Variants in SUN1 observed in about 807,000 individuals in gnomAD.
The protein encoded by SUN1 is SUN domain-containing protein 1.
SUN1 carries 61 observed loss-of-function variants against 103.2 expected under a neutral mutation model. The ratio of observed to expected loss-of-function variants is 0.59; its 90% CI spans 0.48 to 0.73. The LOEUF (loss-of-function observed/expected upper bound fraction) is 0.73, where lower values mean the gene tolerates loss of function less well. SUN1 is among the 30% of genes least tolerant of loss of function. SUN1 has a pLI of 0.00. For missense variants in SUN1, 1,052 were observed against 1,034.6 expected (o/e 1.02, Z -0.23); for synonymous variants, 490 against 425.7 (o/e 1.15, Z -1.86).
At chr7:827,911 TGTTC>T (rs1481481632), upstream of SUN1, among the ~76,000 whole-genome samples, 1 of 152,052 alleles carries the variant, frequency 6.6e-6, no homozygotes, top group Non-Finnish European at 1.5e-5. Flanking sequence ...TTTGTTTGTT[TGTTC>T]GTTTGTTTTT....
At chr7:846,360 G>T (rs896399966) in intron 5 of SUN1, among the ~76,000 whole-genome samples, 5 of 152,146 alleles carry the variant, frequency 3.3e-5, no homozygotes, top group African/African-American at 9.7e-5. Context: ...GCCCACCTTG[G>T]CCTCCCAAAG....
intron 1 of SUN1, among the ~76,000 whole-genome samples, chr7:819,004 CA>C (rs1396145515): frequency 6.6e-6 from 1 of 152,028 alleles, no homozygotes; most frequent in East Asian, 1.9e-4. Context: ...GCTGGGATTA[CA>C]GGTGCCTGCC....
intron 1 of SUN1, 105 bp downstream of exon 1, chr7:832,706 G>A (rs1799088256): frequency 3.5e-6 from 3 of 845,718 alleles, no homozygotes; most frequent in South Asian, 1.5e-5. Flanking sequence ...ACTACATGCT[G>A]TATTTTGAAG....
intron 1 of SUN1, among the ~76,000 whole-genome samples, chr7:822,907 T>TG (rs1370186878): frequency 6.6e-6 from 1 of 152,050 alleles, no homozygotes; most frequent in Non-Finnish European, 1.5e-5. Flanking sequence ...CACGGCCCTG[T>TG]GGCCACCCGT....
upstream of SUN1, among the ~76,000 whole-genome samples, chr7:828,188 G>GCCAC (rs1321542089): frequency 6.6e-6 from 1 of 152,076 alleles, no homozygotes; most frequent in Admixed American, 6.6e-5. Context: ...ACAGGCATGA[G>GCCAC]CCACCCCACC....
chr7:838,286 C>T (rs1805492349), intron 1 of SUN1, among the ~76,000 whole-genome samples: 1 of 152,196 alleles, frequency 6.6e-6, no homozygotes, highest in Admixed American at 6.5e-5. Flanking sequence ...GTCTTTTGGT[C>T]ACAGGCTCAA....
Position 873,407 on chromosome 7 carries a change from G to C in SUN1, c.*76G>C, listed in dbSNP as rs935019767. 7.6e-7 allele frequency: 1 copy of C among 1,318,148 alleles called. No individual in the cohort carries two copies. The highest frequency in any genetic ancestry group is 1.4e-5 in the African/African-American group (1 of 69,042). The allele number at this position is 1,318,148 out of a possible 1,614,324, so 81.7% of individuals were successfully genotyped here. On this transcript the variant is annotated 3_prime_UTR_variant, in exon 19 of 19. Coordinates refer to ENST00000401592, the MANE Select transcript of SUN1 (RefSeq NM_001130965.3). ...AAACACTGGAATCCTTCATGGACGA[G>C]GGCATATACAATGATGGGACAGTGC...
intron 5 of SUN1, chr7:850,157 T>A: frequency 1.1e-6 from 1 of 897,696 alleles, no homozygotes; most frequent in Non-Finnish European, 1.7e-6. Flanking sequence ...GGAATAGTAT[T>A]AACTTTGGTT....
chr7:829,712 G>T (rs984894434), upstream of SUN1, among the ~76,000 whole-genome samples: 3 of 152,056 alleles, frequency 2.0e-5, no homozygotes, highest in Admixed American at 6.6e-5. Flanking sequence ...CCGCCACCAA[G>T]CCCAGCTAAC....
intron 9 of SUN1, 71 bp from the exon 10 acceptor site, chr7:853,338 T>A: frequency 6.4e-7 from 1 of 1,557,268 alleles, no homozygotes; most frequent in South Asian, 1.1e-5. Context: ...AGGACACTGT[T>A]TGGAGGTTTA....
intron 14 of SUN1, among the ~76,000 whole-genome samples, chr7:861,018 G>A (rs186280077): frequency 6.6e-6 from 1 of 152,346 alleles, no homozygotes; most frequent in African/African-American, 2.4e-5. Context: ...ACACAGCCAA[G>A]CCCTATCACT....
upstream of SUN1, chr7:815,918 G>T (rs1228267389): frequency 4.5e-6 from 1 of 221,812 alleles, no homozygotes. Flanking sequence ...GGCCAAGGAG[G>T]CACTGGCCGA....
At chr7:821,030 C>T (rs925179675) in intron 1 of SUN1, among the ~76,000 whole-genome samples, 1 of 152,070 alleles carries the variant, frequency 6.6e-6, no homozygotes, top group East Asian at 1.9e-4. Context: ...ATCTAGCTCC[C>T]CAAAATGTAT....
At chr7:858,991 T>G (rs1335926408) in intron 13 of SUN1, among the ~76,000 whole-genome samples, 1 of 151,922 alleles carries the variant, frequency 6.6e-6, no homozygotes, top group Non-Finnish European at 1.5e-5. Flanking sequence ...GCGTCTCTAC[T>G]AAAAATACAA....
intron 5 of SUN1, among the ~76,000 whole-genome samples, chr7:847,127 TC>T (rs1816611613): frequency 6.6e-6 from 1 of 152,230 alleles, no homozygotes; most frequent in African/African-American, 2.4e-5. Context: ...TATCTGAATG[TC>T]GTAGTGTATG....
chr7:817,132 G>A (rs970378927), intron 1 of SUN1: 2 of 366,528 alleles, frequency 5.5e-6, no homozygotes, highest in African/African-American at 4.3e-5. Flanking sequence ...GTGGGAAGAC[G>A]GTTTTATTTA....
chr7:846,804 G>A (rs2128328708), intron 5 of SUN1, among the ~76,000 whole-genome samples: 1 of 152,080 alleles, frequency 6.6e-6, no homozygotes, highest in East Asian at 1.9e-4. Flanking sequence ...TTGAGCTCAG[G>A]AGGCTTGAGA....
At chr7:829,385 T>A (rs540406786), upstream of SUN1, among the ~76,000 whole-genome samples, 2 of 152,254 alleles carry the variant, frequency 1.3e-5, no homozygotes, top group East Asian at 1.9e-4. Flanking sequence ...AGAACCATGC[T>A]TTTGCCTGCA....
chr7:867,909 C>G (rs1468525085), intron 16 of SUN1, among the ~76,000 whole-genome samples: 1 of 152,198 alleles, frequency 6.6e-6, no homozygotes, highest in Non-Finnish European at 1.5e-5. Context: ...CAGGGTGACT[C>G]ACCGGGCGTT....
Sources: gnomAD v4.1 joint callset for allele counts (sites outside exome capture counted in the v4.1 genomes callset) on GRCh38, gnomAD v4.1.1 for gene constraint, MANE v1.5 for transcripts, NCBI Gene and HGNC (gene_info 2026-07-23, HGNC 2026-07-21) for gene names.